Variants in ACP6 observed in about 807,000 individuals in gnomAD.
The protein encoded by ACP6 is lysophosphatidic acid phosphatase type 6.
ACP6 carries 48 observed loss-of-function variants against 48.1 expected under a neutral mutation model. The observed-to-expected ratio is 1.00, with a 90% CI of 0.79 to 1.27. ACP6 has a LOEUF of 1.27. ACP6 is among the 50% of genes most tolerant of loss of function. The pLI is 0.00. For missense variants in ACP6, 485 were observed against 529.1 expected (o/e 0.92, Z 0.82); for synonymous variants, 172 against 204.2 (o/e 0.84, Z 1.34).
intron 1 of ACP6, 52 bp from the exon 2 acceptor site, chr1:147,659,827 G>A (rs782119509): frequency 1.3e-5 from 20 of 1,595,868 alleles, no homozygotes; most frequent in Non-Finnish European, 1.7e-5. Flanking sequence ...TTCTTGAAAT[G>A]TATAGCATTA....
chr1:147,637,489 G>C (rs1659328243), downstream of ACP6, among the ~76,000 whole-genome samples: 1 of 152,070 alleles, frequency 6.6e-6, no homozygotes. Flanking sequence ...CCTCTTGATG[G>C]TCTTTCTCCA....
intron 5 of ACP6, among the ~76,000 whole-genome samples, chr1:147,635,887 C>T (rs971000941): frequency 2.0e-5 from 3 of 152,190 alleles, no homozygotes; most frequent in Admixed American, 6.5e-5. Context: ...TCTAGCCCAC[C>T]TCTCCCATCT....
chr1:147,648,372 T>A lies in ACP6; in HGVS notation c.1017A>T (p.Ile339=). The change falls in exon 9 of 10, where the codon ATA becomes ATT. Residue 339 remains isoleucine (I), a synonymous_variant. Transcript: ENST00000583509. ...YLYAAHDVTF[I]PLLMTLGIFD... is the part of the protein sequence containing the mutation. ...AAATCCCCAGGGTCATTAAGAGCGG[T>A]ATGAAGGTCACATCATGAGCCGCAT... The A allele has an allele frequency of 6.2e-7, 1 of 1,614,128 alleles. No individual in the cohort carries two copies. The highest frequency in any genetic ancestry group is 1.1e-5 in the South Asian group (1 of 91,082).
At position 147,647,555 on chromosome 1, in the gene ACP6, C is replaced by T. The variant is rs782111895; in HGVS notation, c.1155G>A (p.Pro385=). ...QLYYHGKEQV[P]RGCPDGLCPL... is the part of the protein sequence containing the mutation. ...GGCAGAGCCCATCAGGGCAACCTCT[C>T]GGCACCTGCTCCTGCAGAAGAAACA... The change falls in exon 10 of 10, where the codon CCG becomes CCA. Residue 385 remains proline (P), a synonymous_variant. Coordinates refer to ENST00000583509, the MANE Select transcript of ACP6 (RefSeq NM_016361.5). 1.7e-5 allele frequency: 28 copies of T among 1,612,854 alleles called. No homozygotes were observed. Among genetic ancestry groups the T allele is most frequent in the Middle Eastern group, 1.7e-4 (1 of 6,054 alleles).
chr1:147,669,835 C>G lies in ACP6; in HGVS notation c.214G>C (p.Glu72Gln). Residue 72 changes from glutamate to glutamine, a missense_variant, in exon 1 of 10, where the codon GAG becomes CAG. Glu to Gln is a conservative substitution (Grantham distance 29). Coordinates refer to ENST00000583509, the MANE Select transcript of ACP6 (RefSeq NM_016361.5). ...RSPLKPLPLEEQVEWNPQLLE... is the reference protein window; with the variant it reads ...RSPLKPLPLEQQVEWNPQLLE... ...AGCCCGGGCCGACCTCTCACCTGCTCCTCCAGCGGGAGCGGCTTGAGAGGA... is the reference window on the plus strand; with the variant it reads ...AGCCCGGGCCGACCTCTCACCTGCTGCTCCAGCGGGAGCGGCTTGAGAGGA... 1 of 1,589,294 alleles carries G rather than the reference C, an allele frequency of 6.3e-7. No homozygotes were observed. Among genetic ancestry groups the G allele is most frequent in the Non-Finnish European group, 8.6e-7 (1 of 1,166,330 alleles).
Position 147,659,720 on chromosome 1 carries a change from G to C in ACP6, c.275C>G (p.Thr92Arg), listed in dbSNP as rs587706787. ...CGGACCACCAGCTAGATTGGTGACT[G>C]TGTAATCAAACTGAGTTTGGGGTGG... ...EVPPQTQFDY[T>R]VTNLAGGPKP... The change falls in exon 2 of 10, where the codon ACA becomes AGA. Residue 92 changes from threonine to arginine, a missense_variant. Transcript: ENST00000583509. The C allele has an allele frequency of 8.1e-6, 13 of 1,614,166 alleles. No homozygotes were observed. In the East Asian group the frequency reaches 2.7e-4, roughly 33 times the overall value.
intron 5 of ACP6, among the ~76,000 whole-genome samples, chr1:147,633,376 TCA>T (rs1659220279): frequency 6.6e-6 from 1 of 152,236 alleles, no homozygotes; most frequent in Non-Finnish European, 1.5e-5. Context: ...TCTTGTTTTA[TCA>T]CAGTTTACAC....
At position 147,643,969 on chromosome 1, in the gene ACP6, G is replaced by A. The variant is rs1424968640; in HGVS notation, c.*3454C>T. 6.6e-6 allele frequency: 1 copy of A among 152,152 alleles called. No individual in the cohort carries two copies. Among genetic ancestry groups the A allele is most frequent in the African/African-American group, 2.4e-5 (1 of 41,412 alleles). The allele number at this position is 152,152 out of a possible 1,614,324, so 9.4% of individuals were successfully genotyped here. A position where few individuals can be genotyped will look rare whatever the true frequency, so the allele number is the denominator to read the frequency against. On this transcript the variant is annotated 3_prime_UTR_variant, in exon 10 of 10. Coordinates refer to ENST00000583509, the MANE Select transcript of ACP6 (RefSeq NM_016361.5). ...AGGAACACTTTGTCATCATATGGCA[G>A]AAAAGCAAAAGAGAAGGAACCCATT...
intron 6 of ACP6, 37 bp from the exon 7 acceptor site, chr1:147,652,586 T>A: frequency 6.2e-7 from 1 of 1,613,558 alleles, no homozygotes; most frequent in Non-Finnish European, 8.5e-7. Flanking sequence ...AAAAAATGCT[T>A]CTTACCTACT....
chr1:147,657,052 G>A (rs587629884), intron 4 of ACP6, among the ~76,000 whole-genome samples: 33 of 152,320 alleles, frequency 2.2e-4, no homozygotes, highest in Non-Finnish European at 3.5e-4. Context: ...CGGGGAGAGG[G>A]TTGTCCTGGA....
chr1:147,652,955 T>A (rs587684899), intron 6 of ACP6, among the ~76,000 whole-genome samples: 162 of 152,352 alleles, frequency 1.1e-3, no homozygotes, highest in African/African-American at 3.7e-3. Context: ...GCCTCCTGAG[T>A]AGCTGGGACT....
rs192754465 is a variant in ACP6, at chr1:147,663,658, A to T, written c.220-3883T>A. On this transcript the variant is annotated intron_variant, in intron 1 of 9. Transcript: ENST00000583509. ...AGACCCCATCTCTTAAAAAAATTTT[A>T]AAAAAGGACTTCTACCCCCTTTGTC... is the stretch of plus-strand genomic sequence containing the variant. Among the ~76,000 whole-genome samples the T allele has an allele frequency of 3.5e-3, 529 of 152,166 alleles. 5 individuals are homozygous for T. The highest frequency in any genetic ancestry group is 0.016 in the South Asian group (79 of 4,822).
intron 4 of ACP6, among the ~76,000 whole-genome samples, chr1:147,658,658 G>C (rs186689389): frequency 1.3e-5 from 2 of 152,226 alleles, no homozygotes; most frequent in Admixed American, 1.3e-4. Context: ...AAGCCCCCTC[G>C]ATTGTTCACA....
intron 7 of ACP6, 37 bp downstream of exon 7, chr1:147,652,412 C>A (rs1196775047): frequency 2.5e-6 from 4 of 1,582,120 alleles, no homozygotes; most frequent in Admixed American, 1.7e-5. Flanking sequence ...GATGTCTGAC[C>A]AAGCGTGACT....
rs1553214371 is a variant in ACP6, at chr1:147,669,923, C to A, written c.126G>T (p.Pro42=). 1 of 1,574,874 alleles carries A rather than the reference C, an allele frequency of 6.3e-7. No homozygotes were observed. Residue 42 remains proline (P), a synonymous_variant, in exon 1 of 10, where the codon CCG becomes CCT. Transcript: ENST00000583509. ...TCAACTTCAGCAGGCTGCGGTCGAC[C>A]GGACACTGGCCATCGGCCTCCTGCA... ...AELQEADGQC[P]VDRSLLKLKM...
chr1:147,639,173 G>A (rs1553208360), downstream of ACP6, among the ~76,000 whole-genome samples: 1 of 152,186 alleles, frequency 6.6e-6, no homozygotes, highest in Admixed American at 6.5e-5. Flanking sequence ...TCGCAGTTCA[G>A]AATCCATTAA....
At chr1:147,667,497 T>C (rs1660858132) in intron 1 of ACP6, among the ~76,000 whole-genome samples, 1 of 151,430 alleles carries the variant, frequency 6.6e-6, no homozygotes, top group Admixed American at 6.6e-5. Flanking sequence ...ATTACAGGCA[T>C]GAGCCACCAC....
chr1:147,636,480 A>G (rs587747304), intron 5 of ACP6, among the ~76,000 whole-genome samples: 1 of 152,306 alleles, frequency 6.6e-6, no homozygotes, highest in East Asian at 1.9e-4. Context: ...GTGATGAAGC[A>G]GATAAAGCAA....
chr1:147,647,284 C>T lies in ACP6; in HGVS notation c.*139G>A, dbSNP rs1353917190. On this transcript the variant is annotated 3_prime_UTR_variant, in exon 10 of 10. Coordinates refer to ENST00000583509, the MANE Select transcript of ACP6 (RefSeq NM_016361.5). ...CCGTTCAGGAAGAAATCTTAGTAAA[C>T]CCACAGAAAGGAAATATCCTTACAT... The T allele has an allele frequency of 9.7e-7, 1 of 1,029,214 alleles. No individual in the cohort carries two copies. The highest frequency in any genetic ancestry group is 1.6e-5 in the South Asian group (1 of 61,932). 63.8% of individuals were successfully genotyped at this position (1,029,214 alleles called of 1,614,324 possible). A position where few individuals can be genotyped will look rare whatever the true frequency, so the allele number is the denominator to read the frequency against.
Sources: gnomAD v4.1 joint callset for allele counts (sites outside exome capture counted in the v4.1 genomes callset) on GRCh38, gnomAD v4.1.1 for gene constraint, MANE v1.5 for transcripts, NCBI Gene and HGNC (gene_info 2026-07-23, HGNC 2026-07-21) for gene names.